Variants in FMO4 observed in about 807,000 individuals in gnomAD.
FMO4 encodes the protein dimethylaniline monooxygenase [N-oxide-forming] 4.
In FMO4, 38 loss-of-function variants were observed where a neutral mutation model predicts 43.3. That is an observed-to-expected ratio of 0.88 (90% CI 0.68 to 1.15). The LOEUF (loss-of-function observed/expected upper bound fraction) is 1.15. Ranked by LOEUF, FMO4 falls within the 50% of genes most tolerant of loss-of-function variation. The pLI, the probability that FMO4 is intolerant of heterozygous loss-of-function variation, is 0.00. For synonymous variants in FMO4, 224 were observed against 232.2 expected (o/e 0.96, Z 0.32); for missense variants, 631 against 663.3 (o/e 0.95, Z 0.54).
At chr1:171,340,725 T>A in intron 9 of FMO4, among the ~76,000 whole-genome samples, 1 of 152,166 alleles carries the variant, frequency 6.6e-6, no homozygotes, top group East Asian at 1.9e-4. Context: ...AATGAAATAA[T>A]CAGTGACTGA....
At chr1:171,317,164 G>A (rs1367193855) in intron 2 of FMO4, among the ~76,000 whole-genome samples, 2 of 152,132 alleles carry the variant, frequency 1.3e-5, no homozygotes, top group Non-Finnish European at 2.9e-5. Context: ...GTAGTCTTAA[G>A]TTGTTTCAAA....
At position 171,341,902 on chromosome 1, in the gene FMO4, C is replaced by A; in HGVS notation, c.*63C>A. Reference sequence around the variant, plus strand: ...TTCTATCTCCAAGTATCTTGTGCATCCCTCCTCTGCTCTCCATCATAACTG... The same window carrying A: ...TTCTATCTCCAAGTATCTTGTGCATACCTCCTCTGCTCTCCATCATAACTG... On this transcript the variant is annotated 3_prime_UTR_variant, in exon 10 of 10. Coordinates refer to ENST00000367749, the MANE Select transcript of FMO4 (RefSeq NM_002022.3). The A allele has an allele frequency of 1.5e-6, 2 of 1,320,336 alleles. No individual in the cohort carries two copies. The highest frequency in any genetic ancestry group is 2.1e-6 in the Non-Finnish European group (2 of 953,498). 81.8% of individuals were successfully genotyped at this position (1,320,336 alleles called of 1,614,324 possible).
intron 2 of FMO4, 115 bp from the exon 3 acceptor site, chr1:171,319,703 C>A: frequency 1.3e-6 from 1 of 790,410 alleles, no homozygotes; most frequent in Non-Finnish European, 2.0e-6. Flanking sequence ...TGATTCTGCC[C>A]CCACTCAAAG....
intron 3 of FMO4, among the ~76,000 whole-genome samples, chr1:171,322,160 C>T (rs908837069): frequency 1.3e-4 from 19 of 151,982 alleles, no homozygotes; most frequent in African/African-American, 4.6e-4. Flanking sequence ...CTGAAGGGGA[C>T]ATAGGTTGAG....
At chr1:171,317,454 G>T (rs1662243662) in intron 2 of FMO4, among the ~76,000 whole-genome samples, 1 of 152,174 alleles carries the variant, frequency 6.6e-6, no homozygotes, top group South Asian at 2.1e-4. Flanking sequence ...GCAGGGAAAA[G>T]CAGCACTTGC....
intron 4 of FMO4, among the ~76,000 whole-genome samples, chr1:171,323,860 T>C (rs1019246355): frequency 7.9e-5 from 12 of 152,196 alleles, no homozygotes; most frequent in African/African-American, 2.2e-4. Context: ...TCCCAAAACA[T>C]TGGGCATTGT....
chr1:171,332,347 G>T (rs1157667812), intron 6 of FMO4, among the ~76,000 whole-genome samples: 2 of 152,134 alleles, frequency 1.3e-5, no homozygotes, highest in East Asian at 1.9e-4. Flanking sequence ...GATCTGGAAA[G>T]AATATATTTT....
intron 6 of FMO4, 37 bp downstream of exon 6, chr1:171,331,819 A>C: frequency 1.3e-6 from 2 of 1,594,056 alleles, no homozygotes; most frequent in Non-Finnish European, 1.7e-6. Context: ...TAATCCCATC[A>C]TCAGTTATGA....
intron 5 of FMO4, among the ~76,000 whole-genome samples, chr1:171,324,669 G>A (rs1662584405): frequency 6.6e-6 from 1 of 152,034 alleles, no homozygotes; most frequent in Non-Finnish European, 1.5e-5. Context: ...TACAGGAAGT[G>A]AGAGTATATG....
chr1:171,322,903 C>T, intron 3 of FMO4, 101 bp from the exon 4 acceptor site: 1 of 788,376 alleles, frequency 1.3e-6, no homozygotes, highest in East Asian at 2.5e-5. Context: ...ACATTAATTG[C>T]TATAACCCGC....
chr1:171,341,973 T>C lies in FMO4; in HGVS notation c.*134T>C. 4.6e-6 allele frequency: 3 copies of C among 653,880 alleles called. No homozygotes were observed. In the South Asian group the frequency reaches 6.1e-5, roughly 13 times the overall value. The allele number at this position is 653,880 out of a possible 1,614,324, so 40.5% of individuals were successfully genotyped here. A position where few individuals can be genotyped will look rare whatever the true frequency, so the allele number is the denominator to read the frequency against. ...CAGTCATCTCCTATCTGAATTATTG[T>C]ATTATCTTCTTCTTTGTTTTCAGTA... On this transcript the variant is annotated 3_prime_UTR_variant, in exon 10 of 10. Coordinates refer to ENST00000367749, the MANE Select transcript of FMO4 (RefSeq NM_002022.3).
Position 171,341,764 on chromosome 1 carries a change from A to G in FMO4, c.1602A>G (p.Ser534=). Residue 534 remains serine, a synonymous_variant, in exon 10 of 10, where the codon TCA becomes TCG. Transcript: ENST00000367749. ...LASLLLICKS[S]LFLKLVRDKL... ...CTCTTCTACTTATCTGTAAATCTTC[A>G]CTTTTCTTGAAATTGGTGAGAGATA... 6.2e-7 allele frequency: 1 copy of G among 1,613,722 alleles called. No individual in the cohort carries two copies. Among genetic ancestry groups the G allele is most frequent in the Admixed American group, 1.7e-5 (1 of 59,928 alleles).
In FMO4 at chr1:171,337,426, G is replaced by C. The variant is rs769013150; in HGVS notation, c.1250+1G>C. Reference sequence around the variant, plus strand: ...CTGAAAAGGAACAGCTCATTAAAAGGTATGAAATGTAGCTTGCTCTAGGGC... The same window carrying C: ...CTGAAAAGGAACAGCTCATTAAAAGCTATGAAATGTAGCTTGCTCTAGGGC... On this transcript the variant is annotated splice_donor_variant, in intron 9 of 9. Coordinates refer to ENST00000367749, the MANE Select transcript of FMO4 (RefSeq NM_002022.3). LOFTEE classifies it high-confidence loss of function. 29 of 1,602,258 alleles carry C rather than the reference G, an allele frequency of 1.8e-5. No individual in the cohort carries two copies. The South Asian group carries it at 2.9e-4, about 16-fold the overall frequency.
chr1:171,315,787 A>T (rs1297708803), intron 1 of FMO4, among the ~76,000 whole-genome samples: 2 of 152,184 alleles, frequency 1.3e-5, no homozygotes, highest in Admixed American at 6.5e-5. Flanking sequence ...GTCAGTCCTT[A>T]AAGTGCTTTT....
chr1:171,339,637 C>T (rs1663276563), intron 9 of FMO4, among the ~76,000 whole-genome samples: 1 of 152,148 alleles, frequency 6.6e-6, no homozygotes, highest in Non-Finnish European at 1.5e-5. Flanking sequence ...GAAGGAACAG[C>T]TAGCAGATGC....
intron 3 of FMO4, among the ~76,000 whole-genome samples, chr1:171,320,206 G>A (rs1025221578): frequency 1.3e-5 from 2 of 152,220 alleles, no homozygotes; most frequent in Non-Finnish European, 2.9e-5. Context: ...TGATAAATAA[G>A]CATAGTATTG....
Position 171,334,703 on chromosome 1 carries a change from A to T in FMO4, c.1120A>T (p.Lys374Ter), listed in dbSNP as rs770318102. 15 of 1,610,262 alleles carry T rather than the reference A, an allele frequency of 9.3e-6. No individual in the cohort carries two copies. Among genetic ancestry groups the T allele is most frequent in the Middle Eastern group, 3.3e-4 (2 of 6,038 alleles). ...AGCCATCATCGGCCTTATCGGCCTTAAAGGATCCATCTTATCAGGCACAGA... is the reference window on the plus strand; with the variant it reads ...AGCCATCATCGGCCTTATCGGCCTTTAAGGATCCATCTTATCAGGCACAGA... Reference protein sequence around the residue: ...TLAIIGLIGLKGSILSGTELQ... With the variant: ...TLAIIGLIGL Residue 374 changes from lysine (K) to a stop codon, truncating the protein, a stop_gained, in exon 8 of 10, where the codon AAA becomes TAA. Transcript: ENST00000367749. LOFTEE classifies it high-confidence loss of function.
At chr1:171,333,096 G>A (rs2101899555) in intron 7 of FMO4, 188 bp downstream of exon 7, 1 of 455,226 alleles carries the variant, frequency 2.2e-6, no homozygotes, top group Non-Finnish European at 3.9e-6. Flanking sequence ...TCTTTCTGGT[G>A]GCAAAAGTAG....
intron 3 of FMO4, 103 bp from the exon 4 acceptor site, chr1:171,322,901 T>G: frequency 1.3e-6 from 1 of 765,112 alleles, no homozygotes; most frequent in East Asian, 2.5e-5. Flanking sequence ...GAACATTAAT[T>G]GCTATAACCC....
Sources: allele counts gnomAD v4.1 joint callset (sites outside exome capture counted in the v4.1 genomes callset), GRCh38; gene constraint gnomAD v4.1.1; transcripts MANE v1.5; gene names NCBI Gene and HGNC (gene_info 2026-07-23, HGNC 2026-07-21).